The following RASA2 variants were observed in gnomAD, a reference collection of about 807,000 sequenced individuals.
RASA2 encodes the protein ras GTPase-activating protein 2.
In RASA2, 155 loss-of-function variants were observed where a neutral mutation model predicts 118.2. That is an observed-to-expected ratio of 1.31 (90% CI 1.15 to 1.50). The LOEUF (loss-of-function observed/expected upper bound fraction) is 1.50. Ranked by LOEUF, RASA2 falls within the 40% of genes most tolerant of loss-of-function variation. The probability of loss-of-function intolerance (pLI) is 0.00; values close to 1 mark genes in which losing one functional copy is unlikely to be tolerated. For synonymous variants in RASA2, 353 were observed against 349.1 expected, an observed-to-expected ratio of 1.01 and a Z score of -0.12; for missense variants, 1,016 against 1,009.6, an observed-to-expected ratio of 1.01 and a Z score of -0.09.
At chr3:141,493,279 G>C (rs559022306) in intron 1 of RASA2, among the ~76,000 whole-genome samples, 1 of 152,316 alleles carries the variant, frequency 6.6e-6, no homozygotes, top group Non-Finnish European at 1.5e-5. Context: ...ACTCTTAACT[G>C]TTCCTTCTTA....
intron 1 of RASA2, among the ~76,000 whole-genome samples, chr3:141,502,585 G>C (rs139263354): frequency 4.6e-5 from 7 of 152,114 alleles, no homozygotes; most frequent in African/African-American, 1.7e-4. Context: ...CTCCTGGAAC[G>C]TTATCCTCCG....
intron 1 of RASA2, among the ~76,000 whole-genome samples, chr3:141,494,999 A>G (rs2081683050): frequency 6.6e-6 from 1 of 152,226 alleles, no homozygotes; most frequent in South Asian, 2.1e-4. Context: ...TGAGAAATTG[A>G]GAAAGAACTG....
chr3:141,487,451 G>C lies in RASA2; in HGVS notation c.133+235G>C, dbSNP rs2081591537. Among the ~76,000 whole-genome samples the C allele has an allele frequency of 2.0e-5, 3 of 151,928 alleles. No individual in the cohort carries two copies. The South Asian group carries it at 6.2e-4, about 31-fold the overall frequency. Reference sequence around the variant, plus strand: ...CGGAGGGAGTGGGAGCTGGAGATGGGCCTGGGGTGGGAGAGCCCGGGCTGC... The same window carrying C: ...CGGAGGGAGTGGGAGCTGGAGATGGCCCTGGGGTGGGAGAGCCCGGGCTGC... On this transcript the variant is annotated intron_variant, in intron 1 of 23. Coordinates refer to ENST00000286364, the MANE Select transcript of RASA2 (RefSeq NM_006506.5).
intron 1 of RASA2, among the ~76,000 whole-genome samples, chr3:141,494,102 T>A (rs2081670069): frequency 6.6e-6 from 1 of 152,222 alleles, no homozygotes; most frequent in African/African-American, 2.4e-5. Flanking sequence ...TTGTAAACAG[T>A]CATTGCTATT....
chr3:141,592,756 A>C lies in RASA2; in HGVS notation c.1933+6004A>C, dbSNP rs756951339. On this transcript the variant is annotated intron_variant, in intron 19 of 23. Coordinates refer to ENST00000286364, the MANE Select transcript of RASA2 (RefSeq NM_006506.5). Reference sequence around the variant, plus strand: ...GAGAGAAAAAGGCAAGTTAAGGATAATTCCAAGGATTTGGGCATGAAGTTG... The same window carrying C: ...GAGAGAAAAAGGCAAGTTAAGGATACTTCCAAGGATTTGGGCATGAAGTTG... 1.0e-3 allele frequency among the ~76,000 whole-genome samples: 159 copies of C among 152,122 alleles called. 1 individual carries two copies. Among genetic ancestry groups the C allele is most frequent in the Non-Finnish European group, 2.1e-3 (143 of 68,016 alleles).
chr3:141,599,574 G>A (rs1243529961), intron 19 of RASA2, among the ~76,000 whole-genome samples: 1 of 152,150 alleles, frequency 6.6e-6, no homozygotes, highest in African/African-American at 2.4e-5. Flanking sequence ...ACATAGTAAA[G>A]TGAATACCAG....
rs776797386 is a variant in RASA2 at position 141,553,886 on chromosome 3, T to A, written c.557T>A (p.Ile186Lys). Residue 186 changes from isoleucine to lysine, a missense_variant, in exon 6 of 24, where the codon ATA (isoleucine) becomes AAA (lysine). Coordinates refer to ENST00000286364, the MANE Select transcript of RASA2 (RefSeq NM_006506.5). The part of the protein sequence containing the change: ...HIKACHGLPL[I>K]NGQSCDPYAT... ...AAGGCATGCCATGGGTTGCCTCTCA[T>A]AAATGGCCAAAGCTGTGACCCTTAT... The A allele has an allele frequency of 6.2e-7, 1 of 1,612,308 alleles. No homozygotes were observed. Among genetic ancestry groups the A allele is most frequent in the Non-Finnish European group, 8.5e-7 (1 of 1,178,916 alleles).
intron 19 of RASA2, among the ~76,000 whole-genome samples, chr3:141,604,963 T>A (rs13076660): frequency 0.25 from 37,843 of 151,468 alleles, 5,283 homozygotes; most frequent in Non-Finnish European, 0.32. Flanking sequence ...TAAAAAAAAA[T>A]GTCTTTTCCC....
chr3:141,518,616 T>C (rs1226614934), intron 3 of RASA2, among the ~76,000 whole-genome samples: 2 of 151,376 alleles, frequency 1.3e-5, no homozygotes, highest in African/African-American at 4.8e-5. Context: ...CTCTGCTTGC[T>C]ACTTATTTCT....
At chr3:141,586,145 T>C (rs2107776296) in intron 18 of RASA2, 47 bp downstream of exon 18, 3 of 1,497,450 alleles carry the variant, frequency 2.0e-6, no homozygotes, top group Non-Finnish European at 2.8e-6. Flanking sequence ...AGTATAGATA[T>C]TAAGTAAGTA....
At chr3:141,585,030 A>T (rs765068955) in intron 17 of RASA2, among the ~76,000 whole-genome samples, 2 of 152,290 alleles carry the variant, frequency 1.3e-5, no homozygotes, top group East Asian at 3.9e-4. Context: ...TTTTCAGATT[A>T]AGGATGTTCA....
intron 15 of RASA2, chr3:141,579,376 A>G (rs2083064674): frequency 6.6e-6 from 1 of 152,322 alleles, no homozygotes; most frequent in Non-Finnish European, 1.5e-5. Context: ...GAAGGAGCAA[A>G]GATTCCTGAG....
rs182649566 is a variant in RASA2, at chr3:141,497,539, G to A, written c.133+10323G>A. On this transcript the variant is annotated intron_variant, in intron 1 of 23. Coordinates refer to ENST00000286364, the MANE Select transcript of RASA2 (RefSeq NM_006506.5). ...TGTTAGGTTTTGTAACATTTTGAGT[G>A]CTATAGAAGAAATAAAGTCAACTTT... Among the ~76,000 whole-genome samples, 622 of 152,072 alleles carry A rather than the reference G, an allele frequency of 4.1e-3. 6 individuals carry two copies. Among genetic ancestry groups the A allele is most frequent in the African/African-American group, 0.014 (594 of 41,454 alleles).
chr3:141,559,033 A>T, intron 8 of RASA2, 71 bp downstream of exon 8: 1 of 1,303,912 alleles, frequency 7.7e-7, no homozygotes, highest in Non-Finnish European at 1.1e-6. Flanking sequence ...CAACCAAAAA[A>T]AGTAAACCAA....
chr3:141,556,606 G>T (rs908189557), intron 7 of RASA2, among the ~76,000 whole-genome samples: 1 of 151,322 alleles, frequency 6.6e-6, no homozygotes, highest in African/African-American at 2.4e-5. Flanking sequence ...ATTTGTTAAA[G>T]AAATCCTTTT....
At chr3:141,597,207 C>T (rs1278850582) in intron 19 of RASA2, among the ~76,000 whole-genome samples, 1 of 152,040 alleles carries the variant, frequency 6.6e-6, no homozygotes, top group African/African-American at 2.4e-5. Flanking sequence ...TTGAGACCAG[C>T]CTGGGCAACA....
At chr3:141,552,984 G>T (rs1228017166) in intron 5 of RASA2, among the ~76,000 whole-genome samples, 2 of 152,172 alleles carry the variant, frequency 1.3e-5, no homozygotes, top group African/African-American at 4.8e-5. Flanking sequence ...AATCACTAAA[G>T]TTAGATTCTG....
chr3:141,505,925 G>A (rs1467681024), intron 1 of RASA2, among the ~76,000 whole-genome samples: 1 of 152,106 alleles, frequency 6.6e-6, no homozygotes, highest in Admixed American at 6.5e-5. Flanking sequence ...GTGGGCGAGA[G>A]GATATTTCAT....
intron 4 of RASA2, among the ~76,000 whole-genome samples, chr3:141,536,175 T>C (rs1453623303): frequency 1.3e-5 from 2 of 152,308 alleles, no homozygotes; most frequent in Admixed American, 6.5e-5. Context: ...ATTGGACTTA[T>C]AGTTCCACAT....
Sources: allele counts gnomAD v4.1 joint callset (sites outside exome capture counted in the v4.1 genomes callset), GRCh38; gene constraint gnomAD v4.1.1; transcripts MANE v1.5; gene names NCBI Gene and HGNC (gene_info 2026-07-23, HGNC 2026-07-21).